The following CACUL1 variants were observed in gnomAD, a reference collection of about 807,000 sequenced individuals.
The protein encoded by CACUL1 is CDK2 associated cullin domain 1, also known as CDK2-associated and cullin domain-containing protein 1.
A neutral mutation model predicts 45.2 loss-of-function variants in CACUL1; 13 were observed. The observed-to-expected ratio is 0.29, with a 90% CI of 0.19 to 0.46. The LOEUF is 0.46. Among genes scored for constraint, CACUL1 ranks in the 20% least tolerant of loss-of-function variants. The pLI is 1.00. For synonymous variants in CACUL1, 197 were observed against 174.2 expected (o/e 1.13, Z -1.03); for missense variants, 421 against 471.4 (o/e 0.89, Z 0.99).
chr10:118,689,716 CCT>C (rs140600892), intron 7 of CACUL1, among the ~76,000 whole-genome samples: 7,876 of 152,100 alleles, frequency 0.052, 274 homozygotes, highest in Admixed American at 0.12. Context: ...AGTCCTGCAC[CCT>C]GTTCTCTTAT....
chr10:118,754,935 A>G lies in CACUL1; in HGVS notation c.-173T>C, dbSNP rs1242480809. ...CTCTCCGCGGGGCCGACTAGCTTGA[A>G]GACGCGGCTGACGGCGGTGGGCGCT... On this transcript the variant is annotated 5_prime_UTR_variant, in exon 1 of 9. Coordinates refer to ENST00000369151, the MANE Select transcript of CACUL1 (RefSeq NM_153810.5). 1 of 872,320 alleles carries G rather than the reference A, an allele frequency of 1.1e-6. No individual in the cohort carries two copies. The highest frequency in any genetic ancestry group is 1.6e-6 in the Non-Finnish European group (1 of 614,262). The allele number at this position is 872,320 out of a possible 1,614,324, so 54.0% of individuals were successfully genotyped here. A position where few individuals can be genotyped will look rare whatever the true frequency, so the allele number is the denominator to read the frequency against.
intron 3 of CACUL1, among the ~76,000 whole-genome samples, chr10:118,724,533 TA>T (rs1845634427): frequency 6.6e-6 from 1 of 152,216 alleles, no homozygotes; most frequent in Non-Finnish European, 1.5e-5. Context: ...AAGTTTTTTT[TA>T]CACGGACCAA....
At chr10:118,743,580 T>C (rs1845811929) in intron 1 of CACUL1, among the ~76,000 whole-genome samples, 1 of 151,956 alleles carries the variant, frequency 6.6e-6, no homozygotes, top group Non-Finnish European at 1.5e-5. Context: ...AATACAAAAA[T>C]TAGCCGGCCA....
rs985009478 is a variant in CACUL1, at chr10:118,750,308, G to C, written c.367+4088C>G. ...ACCACGGCACTCCAGCCTGGCGACAGAGCGAGACTGTCTCAAAAAAAAAAA... is the reference window on the plus strand; with the variant it reads ...ACCACGGCACTCCAGCCTGGCGACACAGCGAGACTGTCTCAAAAAAAAAAA... On this transcript the variant is annotated intron_variant, in intron 1 of 8. Coordinates refer to ENST00000369151, the MANE Select transcript of CACUL1 (RefSeq NM_153810.5). Among the ~76,000 whole-genome samples the C allele has an allele frequency of 9.3e-5, 14 of 151,148 alleles. 1 individual carries two copies. Among genetic ancestry groups the C allele is most frequent in the African/African-American group, 3.4e-4 (14 of 40,742 alleles).
At chr10:118,736,792 T>C (rs1050124411) in intron 1 of CACUL1, among the ~76,000 whole-genome samples, 1 of 152,220 alleles carries the variant, frequency 6.6e-6, no homozygotes, top group African/African-American at 2.4e-5. Flanking sequence ...AGGTGCCCTA[T>C]ACACGCATAC....
chr10:118,731,693 G>A (rs927148834), intron 1 of CACUL1, among the ~76,000 whole-genome samples: 19 of 152,172 alleles, frequency 1.2e-4, no homozygotes, highest in Admixed American at 1.1e-3. Context: ...GCTGGAAGGT[G>A]GGGAGAAGGA....
chr10:118,725,084 G>A (rs1380190196), intron 3 of CACUL1, among the ~76,000 whole-genome samples: 1 of 152,102 alleles, frequency 6.6e-6, no homozygotes, highest in Non-Finnish European at 1.5e-5. Context: ...TCCATTCACT[G>A]GTATAGGAAA....
Position 118,754,639 on chromosome 10 carries a change from G to A in CACUL1, c.124C>T (p.Pro42Ser), listed in dbSNP as rs61729198. The A allele has an allele frequency of 7.0e-5, 113 of 1,606,494 alleles. No homozygotes were observed. Among genetic ancestry groups the A allele is most frequent in the African/African-American group, 4.9e-4 (36 of 74,006 alleles). ...FRQPLPPPPP[P>S]SSIPAPAREP... ...CGGGCAGGGGCCGGGATCGACGAGGGGGGCGGCGGAGGTGGCAGGGGCTGC... is the reference window on the plus strand; with the variant it reads ...CGGGCAGGGGCCGGGATCGACGAGGAGGGCGGCGGAGGTGGCAGGGGCTGC... Residue 42 changes from proline (P) to serine (S), a missense_variant, in exon 1 of 9, where the codon CCC becomes TCC. Pro to Ser is a moderately conservative substitution (Grantham distance 74). Coordinates refer to ENST00000369151, the MANE Select transcript of CACUL1 (RefSeq NM_153810.5).
At chr10:118,725,311 T>TA (rs1845641949) in intron 3 of CACUL1, among the ~76,000 whole-genome samples, 1 of 151,874 alleles carries the variant, frequency 6.6e-6, no homozygotes, top group South Asian at 2.1e-4. Context: ...CTACAAGAAA[T>TA]ACAAAAATTA....
At chr10:118,702,203 C>A (rs775494430) in intron 4 of CACUL1, among the ~76,000 whole-genome samples, 55 of 152,172 alleles carry the variant, frequency 3.6e-4, no homozygotes, top group Non-Finnish European at 3.4e-4. Context: ...TAATTTTCCA[C>A]TACCTACACA....
chr10:118,686,067 A>G lies in CACUL1; in HGVS notation c.*61T>C. Reference sequence around the variant, plus strand: ...GTGCAGCCCCCACTGTGCTCTGAATACAGTCTCTGCAGCTCCAGTGTGTCC... The same window carrying G: ...GTGCAGCCCCCACTGTGCTCTGAATGCAGTCTCTGCAGCTCCAGTGTGTCC... On this transcript the variant is annotated 3_prime_UTR_variant, in exon 9 of 9. Transcript: ENST00000369151. 6.1e-6 allele frequency: 8 copies of G among 1,302,100 alleles called. No individual in the cohort carries two copies. Among genetic ancestry groups the G allele is most frequent in the Non-Finnish European group, 8.9e-6 (8 of 897,098 alleles). The allele number at this position is 1,302,100 out of a possible 1,614,324, so 80.7% of individuals were successfully genotyped here.
At chr10:118,696,344 G>C (rs374277121) in intron 5 of CACUL1, among the ~76,000 whole-genome samples, 1 of 152,060 alleles carries the variant, frequency 6.6e-6, no homozygotes, top group African/African-American at 2.4e-5. Context: ...AAAAAAACTC[G>C]TTTTAAGAAA....
chr10:118,736,889 G>A (rs1363964683), intron 1 of CACUL1, among the ~76,000 whole-genome samples: 1 of 151,924 alleles, frequency 6.6e-6, no homozygotes, highest in Non-Finnish European at 1.5e-5. Flanking sequence ...GTTGCATACA[G>A]TATTCAGTAC....
intron 5 of CACUL1, among the ~76,000 whole-genome samples, chr10:118,697,046 GAAAT>G (rs1231932754): frequency 2.4e-4 from 37 of 152,114 alleles, no homozygotes; most frequent in Non-Finnish European, 5.9e-5. Context: ...AAATTAATTT[GAAAT>G]AAATTTAAAA....
chr10:118,735,716 G>C (rs1478906219), intron 1 of CACUL1, among the ~76,000 whole-genome samples: 1 of 152,154 alleles, frequency 6.6e-6, no homozygotes, highest in Non-Finnish European at 1.5e-5. Flanking sequence ...GCTAGGAACT[G>C]TCTTCCTACC....
intron 1 of CACUL1, among the ~76,000 whole-genome samples, chr10:118,737,439 C>T: frequency 6.6e-6 from 1 of 152,064 alleles, no homozygotes; most frequent in South Asian, 2.1e-4. Context: ...TTCTCATTAA[C>T]ACACTCTTTA....
intron 1 of CACUL1, among the ~76,000 whole-genome samples, chr10:118,752,092 G>T (rs996486711): frequency 1.3e-5 from 2 of 152,068 alleles, no homozygotes; most frequent in Non-Finnish European, 2.9e-5. Flanking sequence ...GTTCATCTAG[G>T]TAGGTGATCA....
intron 3 of CACUL1, among the ~76,000 whole-genome samples, chr10:118,715,355 T>C (rs534943101): frequency 1.3e-5 from 2 of 152,170 alleles, no homozygotes; most frequent in South Asian, 2.1e-4. Context: ...ACAAGGAAGG[T>C]TGATTGGTCA....
intron 3 of CACUL1, among the ~76,000 whole-genome samples, chr10:118,721,844 T>C (rs1242993577): frequency 6.6e-6 from 1 of 152,222 alleles, no homozygotes; most frequent in Non-Finnish European, 1.5e-5. Context: ...CATTAGCATA[T>C]ACAATAAATG....
Sources: gnomAD v4.1 joint callset for allele counts (sites outside exome capture counted in the v4.1 genomes callset) on GRCh38, gnomAD v4.1.1 for gene constraint, MANE v1.5 for transcripts, NCBI Gene and HGNC (gene_info 2026-07-23, HGNC 2026-07-21) for gene names.